The following LRIG3 variants were observed in gnomAD, a reference collection of about 807,000 sequenced individuals.
The protein encoded by LRIG3 is leucine-rich repeats and immunoglobulin-like domains protein 3.
In LRIG3, 76 loss-of-function variants were observed where a neutral mutation model predicts 114.5. That is an observed-to-expected ratio of 0.66 (90% confidence interval 0.55 to 0.80). The LOEUF (loss-of-function observed/expected upper bound fraction) is 0.80, where lower values mean the gene tolerates loss of function less well. Ranked by LOEUF, LRIG3 falls within the 30% of genes least tolerant of loss-of-function variation. The pLI is 0.00. For synonymous variants in LRIG3, 512 were observed against 519.8 expected (o/e 0.98, Z 0.20); for missense variants, 1,239 against 1,382.8 (o/e 0.90, Z 1.65).
Position 58,887,686 on chromosome 12 carries a change from C to T in LRIG3, c.1091+103G>A, listed in dbSNP as rs188442120. ...AAAGATTAAGATACTACTTCTGAGG[C>T]TGTATGCATTTCCTTGACAACAAAG... On this transcript the variant is annotated intron_variant, in intron 8 of 18. Coordinates refer to ENST00000320743, the MANE Select transcript of LRIG3 (RefSeq NM_153377.5). 183 of 1,181,800 alleles carry T rather than the reference C, an allele frequency of 1.5e-4. No homozygotes were observed. In the African/African-American group the frequency reaches 2.1e-3, roughly 14 times the overall value. The allele number at this position is 1,181,800 out of a possible 1,614,324, so 73.2% of individuals were successfully genotyped here.
chr12:58,887,972 C>T (rs74348376), intron 7 of LRIG3, 40 bp from the exon 8 acceptor site: 63,730 of 1,566,908 alleles, frequency 0.041, 1,520 homozygotes, highest in Non-Finnish European at 0.049. Context: ...TTTTATTTTT[C>T]AATTCAACAC....
intron 10 of LRIG3, among the ~76,000 whole-genome samples, chr12:58,884,068 T>G (rs977172326): frequency 2.0e-5 from 3 of 152,222 alleles, no homozygotes; most frequent in African/African-American, 7.2e-5. Context: ...TATGATGGTA[T>G]TACTACTTAG....
chr12:58,882,112 T>C (rs527463970), intron 12 of LRIG3, among the ~76,000 whole-genome samples: 4 of 152,366 alleles, frequency 2.6e-5, no homozygotes, highest in African/African-American at 9.6e-5. Context: ...AAGTAAATTT[T>C]TAAATGCCAA....
At chr12:58,907,353 C>A (rs1872104288) in intron 3 of LRIG3, among the ~76,000 whole-genome samples, 1 of 152,162 alleles carries the variant, frequency 6.6e-6, no homozygotes, top group Non-Finnish European at 1.5e-5. Flanking sequence ...TAATTGAGTA[C>A]CCACCAAAAT....
At chr12:58,917,446 C>G (rs12426212) in intron 1 of LRIG3, among the ~76,000 whole-genome samples, 15,362 of 152,156 alleles carry the variant, frequency 0.1, 992 homozygotes, top group Admixed American at 0.17. Flanking sequence ...GTGAGCAAGG[C>G]TTGGCGTAGT....
chr12:58,889,741 C>T (rs1871389649), intron 5 of LRIG3, among the ~76,000 whole-genome samples: 1 of 151,976 alleles, frequency 6.6e-6, no homozygotes, highest in South Asian at 2.1e-4. Flanking sequence ...TTTGTACCAG[C>T]CTTGTTCAAT....
chr12:58,880,799 G>C lies in LRIG3; in HGVS notation c.1583C>G (p.Ser528Cys), dbSNP rs371122124. The change falls in exon 13 of 19, where the codon TCC becomes TGC. Residue 528 changes from serine to cysteine, a missense_variant. By Grantham distance (112) the Ser-to-Cys change is moderately radical. Transcript: ENST00000320743. ...FICSAASSSD[S>C]PMTFAWKKDN... ...TTTTTTCCAAGCAAAAGTCATTGGG[G>C]AATCACTGCTGCTGGCAGCTGAGCA... The C allele has an allele frequency of 8.4e-5, 136 of 1,614,058 alleles. No individual in the cohort carries two copies. Among genetic ancestry groups the C allele is most frequent in the Non-Finnish European group, 1.1e-4 (134 of 1,180,040 alleles).
At chr12:58,888,758 T>TGTAC in intron 6 of LRIG3, 61 bp downstream of exon 6, 1 of 1,573,652 alleles carries the variant, frequency 6.4e-7, no homozygotes, top group Non-Finnish European at 8.6e-7. Flanking sequence ...ACCTGCTGAA[T>TGTAC]GTACACTGAG....
chr12:58,898,783 C>T (rs945418751), intron 3 of LRIG3, among the ~76,000 whole-genome samples: 5 of 152,078 alleles, frequency 3.3e-5, no homozygotes, highest in South Asian at 2.1e-4. Flanking sequence ...CTCAGCCTCC[C>T]GAGTAGCTGG....
intron 3 of LRIG3, among the ~76,000 whole-genome samples, chr12:58,893,801 C>G (rs557479743): frequency 3.3e-5 from 5 of 152,284 alleles, no homozygotes; most frequent in Admixed American, 3.3e-4. Context: ...CCCGAGTGCC[C>G]CTCTCTCTAT....
chr12:58,881,037 G>C, intron 12 of LRIG3, 136 bp from the exon 13 acceptor site: 1 of 748,970 alleles, frequency 1.3e-6, no homozygotes, highest in Admixed American at 2.7e-5. Context: ...AGATGGACTA[G>C]CCGTCCCCAT....
In LRIG3 at chr12:58,885,090, C is replaced by T. The variant is rs144231512; in HGVS notation, c.1244+741G>A. ...AGTTACTAGGAGCTACTGGGAGTAG[C>T]GGCAGAGATTGTACAGGCAAGAGCT... is the stretch of plus-strand genomic sequence containing the variant. On this transcript the variant is annotated intron_variant, in intron 10 of 18. Transcript: ENST00000320743. 1.1e-4 allele frequency among the ~76,000 whole-genome samples: 16 copies of T among 152,182 alleles called. 1 individual carries two copies. The highest frequency in any genetic ancestry group is 3.4e-3 in the Middle Eastern group (1 of 294).
chr12:58,882,991 T>C lies in LRIG3; in HGVS notation c.1358A>G (p.Lys453Arg), dbSNP rs1219090373. ...TSSLLCDCQLKWLPQWVAENN... is the reference protein window; with the variant it reads ...TSSLLCDCQLRWLPQWVAENN... The stretch of plus-strand genomic sequence containing the variant: ...TTCCGCCACCCACTGTGGGAGCCAT[T>C]TTAGCTGGCAATCGCACAAAAGGCT... The change falls in exon 12 of 19, where the codon AAA becomes AGA. Residue 453 changes from lysine to arginine, a missense_variant. Lys to Arg is a conservative substitution (Grantham distance 26, BLOSUM62 2). Transcript: ENST00000320743. 1.9e-6 allele frequency: 3 copies of C among 1,614,036 alleles called. No individual in the cohort carries two copies. The highest frequency in any genetic ancestry group is 2.5e-6 in the Non-Finnish European group (3 of 1,179,952).
In LRIG3 at chr12:58,920,148, C is replaced by T. The variant is rs1395458368; in HGVS notation, c.88G>A (p.Gly30Ser). ...VLGRAGRSDSGGRGELGQPSG... is the reference protein window; with the variant it reads ...VLGRAGRSDSSGRGELGQPSG... ...GGCTGCCCGAGTTCCCCGCGACCGC[C>T]GCTGTCTGACCGGCCAGCGCGCCCC... is the stretch of plus-strand genomic sequence containing the variant. The change falls in exon 1 of 19, where the codon GGC (glycine) becomes AGC (serine). Residue 30 changes from glycine (G) to serine (S), a missense_variant. Physicochemically the swap from Gly to Ser is moderately conservative, Grantham distance 56 (BLOSUM62 0). Coordinates refer to ENST00000320743, the MANE Select transcript of LRIG3 (RefSeq NM_153377.5). 1.9e-6 allele frequency: 3 copies of T among 1,543,072 alleles called. No homozygotes were observed. Among genetic ancestry groups the T allele is most frequent in the Non-Finnish European group, 1.7e-6 (2 of 1,146,348 alleles).
chr12:58,879,665 T>C (rs1871052083), intron 13 of LRIG3, among the ~76,000 whole-genome samples: 1 of 152,246 alleles, frequency 6.6e-6, no homozygotes, highest in South Asian at 2.1e-4. Context: ...GCAAGGATCC[T>C]ACTGTAAAAC....
In LRIG3 at chr12:58,879,978, T is replaced by C. The variant is rs77278282; in HGVS notation, c.1801+603A>G. On this transcript the variant is annotated intron_variant, in intron 13 of 18. Transcript: ENST00000320743. ...TGCTTTGCAGCCTTCCAGATCAGTA[T>C]ACTACACTGTAAACTCTCAAAGAGG... Among the ~76,000 whole-genome samples the C allele has an allele frequency of 3.7e-3, 566 of 152,270 alleles. 11 individuals are homozygous for C. The East Asian group carries it at 0.041, about 11-fold the overall frequency.
intron 3 of LRIG3, among the ~76,000 whole-genome samples, chr12:58,900,666 T>G (rs1191423174): frequency 6.6e-6 from 1 of 152,246 alleles, no homozygotes; most frequent in African/African-American, 2.4e-5. Flanking sequence ...GAATTTTCAC[T>G]TCAGATGATA....
chr12:58,890,174 A>T (rs1297301753), intron 4 of LRIG3, 35 bp from the exon 5 acceptor site: 4 of 1,606,132 alleles, frequency 2.5e-6, no homozygotes, highest in Non-Finnish European at 3.4e-6. Flanking sequence ...TCTCCTTCTG[A>T]TTTATTTGCA....
chr12:58,920,382 T>A lies in LRIG3; in HGVS notation c.-147A>T, dbSNP rs1872631538. 1.9e-6 allele frequency: 1 copy of A among 527,692 alleles called. No homozygotes were observed. The highest frequency in any genetic ancestry group is 2.0e-5 in the African/African-American group (1 of 50,156). The allele number at this position is 527,692 out of a possible 1,614,324, so 32.7% of individuals were successfully genotyped here. On this transcript the variant is annotated 5_prime_UTR_variant, in exon 1 of 19. An upstream open reading frame in the 5' UTR loses its in-frame stop. Coordinates refer to ENST00000320743, the MANE Select transcript of LRIG3 (RefSeq NM_153377.5). ...GCGCTGCCCGGTCAATTCCTTCTTT[T>A]ACTCCCGGCGGCGAAGCCCTTTCAT...
Sources: gnomAD v4.1 joint callset for allele counts (sites outside exome capture counted in the v4.1 genomes callset) on GRCh38, gnomAD v4.1.1 for gene constraint, MANE v1.5 for transcripts, NCBI Gene and HGNC (gene_info 2026-07-23, HGNC 2026-07-21) for gene names.